The following SLC19A2 variants were observed in gnomAD, a reference collection of about 807,000 sequenced individuals.
SLC19A2 encodes solute carrier family 19 member 2, also known as thiamine transporter 1.
Under a neutral mutation model 44.7 loss-of-function variants are expected in SLC19A2, and 27 were observed. The observed-to-expected ratio is 0.60, with a 90% CI of 0.45 to 0.83. The LOEUF (loss-of-function observed/expected upper bound fraction) is 0.83. SLC19A2 is among the 40% of genes least tolerant of loss of function. SLC19A2 has a pLI of 0.00. For synonymous variants in SLC19A2, 239 were observed against 243.6 expected (o/e 0.98, Z 0.18); for missense variants, 566 against 613.7 (o/e 0.92, Z 0.82).
At chr1:169,468,866 T>A in intron 3 of SLC19A2, 30 bp from the exon 4 acceptor site, 1 of 1,598,514 alleles carries the variant, frequency 6.3e-7, no homozygotes, top group Non-Finnish European at 8.6e-7. Flanking sequence ...AATCCAATTA[T>A]TTTGCTACAC....
intron 5 of SLC19A2, among the ~76,000 whole-genome samples, chr1:169,466,907 T>C (rs1481819837): frequency 2.0e-5 from 3 of 152,168 alleles, no homozygotes; most frequent in Non-Finnish European, 4.4e-5. Flanking sequence ...ACTAAATACT[T>C]ACAAACTGGT....
At chr1:169,473,483 T>A (rs1241004898) in intron 2 of SLC19A2, among the ~76,000 whole-genome samples, 1 of 151,644 alleles carries the variant, frequency 6.6e-6, no homozygotes, top group Non-Finnish European at 1.5e-5. Flanking sequence ...TGACCTCAAG[T>A]GATCTGCCTG....
chr1:169,483,231 T>C (rs1658481594), intron 1 of SLC19A2, among the ~76,000 whole-genome samples: 1 of 152,238 alleles, frequency 6.6e-6, no homozygotes, highest in African/African-American at 2.4e-5. Flanking sequence ...CCTTCTGCAG[T>C]CTTCTAAGAG....
chr1:169,472,110 T>G (rs1334762959), intron 2 of SLC19A2, among the ~76,000 whole-genome samples: 10 of 152,186 alleles, frequency 6.6e-5, no homozygotes, highest in Admixed American at 6.5e-4. Context: ...ATTGATTTCT[T>G]GGCACTGTGT....
At chr1:169,481,120 C>A (rs1192620955) in intron 1 of SLC19A2, among the ~76,000 whole-genome samples, 1 of 152,214 alleles carries the variant, frequency 6.6e-6, no homozygotes, top group African/African-American at 2.4e-5. Flanking sequence ...GCCCCACTCA[C>A]ACTATTATCA....
Position 169,485,464 on chromosome 1 carries a change from G to T in SLC19A2, c.204+99C>A. On this transcript the variant is annotated intron_variant, in intron 1 of 5. Coordinates refer to ENST00000236137, the MANE Select transcript of SLC19A2 (RefSeq NM_006996.3). ...ACTGGCAAAATCAGAAATCTCTGCCGAGAATGGCTCGAGCGCTTTTCTCGG... is the reference window on the plus strand; with the variant it reads ...ACTGGCAAAATCAGAAATCTCTGCCTAGAATGGCTCGAGCGCTTTTCTCGG... 4 of 1,331,710 alleles carry T rather than the reference G, an allele frequency of 3.0e-6. No homozygotes were observed. In the South Asian group the frequency reaches 3.8e-5, roughly 13 times the overall value. 82.5% of individuals were successfully genotyped at this position (1,331,710 alleles called of 1,614,324 possible).
At chr1:169,483,799 G>A (rs891978914) in intron 1 of SLC19A2, among the ~76,000 whole-genome samples, 2 of 152,234 alleles carry the variant, frequency 1.3e-5, no homozygotes, top group African/African-American at 4.8e-5. Flanking sequence ...CACAAACTGT[G>A]CAGATCACAT....
chr1:169,484,110 T>C (rs1571541875), intron 1 of SLC19A2, among the ~76,000 whole-genome samples: 1 of 152,118 alleles, frequency 6.6e-6, no homozygotes, highest in Non-Finnish European at 1.5e-5. Context: ...GTCAATAGGG[T>C]AATTTAAGGC....
In SLC19A2 at chr1:169,485,750, G is replaced by C. The variant is rs1203040824; in HGVS notation, c.17C>G (p.Pro6Arg). 1.3e-6 allele frequency: 2 copies of C among 1,535,252 alleles called. No individual in the cohort carries two copies. The highest frequency in any genetic ancestry group is 2.0e-5 in the Admixed American group (1 of 50,812). MDVPGPVSRRAAAAAA... is the reference protein window; with the variant it reads MDVPGRVSRRAAAAAA... ...CGCCGCCGCCGCCCGCCGAGACACC[G>C]GGCCGGGCACATCCATCCGGGGCGC... The change falls in exon 1 of 6, where the codon CCG (proline) becomes CGG (arginine). Residue 6 changes from proline (P) to arginine (R), a missense_variant. Physicochemically the swap from Pro to Arg is moderately radical, Grantham distance 103 (BLOSUM62 -2). Coordinates refer to ENST00000236137, the MANE Select transcript of SLC19A2 (RefSeq NM_006996.3).
Position 169,475,351 on chromosome 1 carries a change from T to C in SLC19A2, c.807+1804A>G, listed in dbSNP as rs2101779525. On this transcript the variant is annotated intron_variant, in intron 2 of 5. Coordinates refer to ENST00000236137, the MANE Select transcript of SLC19A2 (RefSeq NM_006996.3). Reference sequence around the variant, plus strand: ...TGTTGTAAAACTTGTTTCTGTTATATATAAAATATATACATACCTATGTAT... The same window carrying C: ...TGTTGTAAAACTTGTTTCTGTTATACATAAAATATATACATACCTATGTAT... Among the ~76,000 whole-genome samples the C allele has an allele frequency of 2.0e-5, 3 of 152,288 alleles. No individual in the cohort carries two copies. In the Middle Eastern group the frequency reaches 0.01, roughly 518 times the overall value.
upstream of SLC19A2, chr1:169,485,950 C>T (rs1407412014): frequency 7.1e-6 from 5 of 699,332 alleles, no homozygotes; most frequent in Non-Finnish European, 1.2e-5. Flanking sequence ...CCTCTAGGGT[C>T]GCTGCCTGAT....
rs1296920526 is a variant in SLC19A2 at position 169,485,671 on chromosome 1, C to T, written c.96G>A (p.Leu32=). 3 of 1,551,466 alleles carry T rather than the reference C, an allele frequency of 1.9e-6. No homozygotes were observed. Among genetic ancestry groups the T allele is most frequent in the Middle Eastern group, 1.8e-4 (1 of 5,640 alleles). ...TARVRRECWF[L]PTALLCAYGF... Reference sequence around the variant, plus strand: ...CGTAGGCGCAGAGCAGCGCGGTCGGCAAGAACCAGCATTCGCGACGGACCC... The same window carrying T: ...CGTAGGCGCAGAGCAGCGCGGTCGGTAAGAACCAGCATTCGCGACGGACCC... Residue 32 remains leucine (L), a synonymous_variant, in exon 1 of 6, where the codon TTG becomes TTA. Coordinates refer to ENST00000236137, the MANE Select transcript of SLC19A2 (RefSeq NM_006996.3).
rs1305832568 is a variant in SLC19A2 at position 169,465,983 on chromosome 1, A to C, written c.1366-6T>G. 6.2e-7 allele frequency: 1 copy of C among 1,613,862 alleles called. No homozygotes were observed. The highest frequency in any genetic ancestry group is 8.5e-7 in the Non-Finnish European group (1 of 1,179,888). On this transcript the variant is annotated splice_polypyrimidine_tract_variant and splice_region_variant and intron_variant, in intron 5 of 5. Coordinates refer to ENST00000236137, the MANE Select transcript of SLC19A2 (RefSeq NM_006996.3). ...TAACTGGCATAGATCAAAAACTAGA[A>C]GGGGGAAAAGCAGTTTATTGAATTA...
At position 169,477,401 on chromosome 1, in the gene SLC19A2, C is replaced by T. The variant is rs150548640; in HGVS notation, c.561G>A (p.Leu187=). The part of the protein sequence containing the change: ...QILVSVAGWS[L]FSLNVISLTC... ...TAAGAGAGATGACATTCAGGCTGAA[C>T]AGCGACCAGCCTGCCACTGAGACAA... The change falls in exon 2 of 6, where the codon CTG becomes CTA. Residue 187 remains leucine (L), a synonymous_variant. Transcript: ENST00000236137. The T allele has an allele frequency of 1.2e-6, 2 of 1,614,176 alleles. No homozygotes were observed. The highest frequency in any genetic ancestry group is 1.7e-6 in the Non-Finnish European group (2 of 1,180,050).
intron 2 of SLC19A2, among the ~76,000 whole-genome samples, chr1:169,470,950 TA>T (rs748702300): frequency 7.9e-5 from 12 of 151,724 alleles, no homozygotes; most frequent in Non-Finnish European, 1.5e-4. Context: ...AGGCCGGGTG[TA>T]GTGACTCATG....
chr1:169,472,809 A>G (rs1222316923), intron 2 of SLC19A2, among the ~76,000 whole-genome samples: 1 of 152,222 alleles, frequency 6.6e-6, no homozygotes, highest in Non-Finnish European at 1.5e-5. Flanking sequence ...TGTTAAGCTT[A>G]TATGAATCAC....
rs186078558 is a variant in SLC19A2, at chr1:169,481,860, C to G, written c.204+3703G>C. Reference sequence around the variant, plus strand: ...AAGTTTCAATTAAACAACTAATAGGCAGTTATTTGCACAACATTGTTTTCA... The same window carrying G: ...AAGTTTCAATTAAACAACTAATAGGGAGTTATTTGCACAACATTGTTTTCA... On this transcript the variant is annotated intron_variant, in intron 1 of 5. Coordinates refer to ENST00000236137, the MANE Select transcript of SLC19A2 (RefSeq NM_006996.3). 9.3e-4 allele frequency among the ~76,000 whole-genome samples: 141 copies of G among 152,284 alleles called. 2 individuals carry two copies. The highest frequency in any genetic ancestry group is 3.2e-3 in the African/African-American group (135 of 41,554).
At chr1:169,482,464 C>T (rs995961984) in intron 1 of SLC19A2, among the ~76,000 whole-genome samples, 1 of 152,012 alleles carries the variant, frequency 6.6e-6, no homozygotes, top group African/African-American at 2.4e-5. Context: ...TCGCTTAAAC[C>T]TGGGAGGTAG....
At chr1:169,475,633 A>G (rs956226896) in intron 2 of SLC19A2, among the ~76,000 whole-genome samples, 3 of 152,202 alleles carry the variant, frequency 2.0e-5, no homozygotes, top group Admixed American at 2.0e-4. Flanking sequence ...TCCCTCCCCC[A>G]TCAACCCTCT....
Sources: allele counts gnomAD v4.1 joint callset (sites outside exome capture counted in the v4.1 genomes callset), GRCh38; gene constraint gnomAD v4.1.1; transcripts MANE v1.5; gene names NCBI Gene and HGNC (gene_info 2026-07-23, HGNC 2026-07-21).